Variants in SCAI observed in about 807,000 individuals in gnomAD.
The protein encoded by SCAI is suppressor of cancer cell invasion.
A neutral mutation model predicts 92.2 loss-of-function variants in SCAI; 24 were observed. That is an observed-to-expected ratio of 0.26 (90% CI 0.19 to 0.37). The LOEUF (loss-of-function observed/expected upper bound fraction) is 0.37. SCAI is among the 10% of genes least tolerant of loss of function. The pLI is 1.00. For missense variants in SCAI, 450 were observed against 736.2 expected (o/e 0.61, Z 4.50); for synonymous variants, 261 against 258.6 (o/e 1.01, Z -0.09).
At chr9:125,025,546 T>A (rs181939928) in intron 6 of SCAI, among the ~76,000 whole-genome samples, 1 of 152,368 alleles carries the variant, frequency 6.6e-6, no homozygotes, top group East Asian at 1.9e-4. Context: ...TTTTAAGATA[T>A]AATTTATCTC....
chr9:125,018,927 C>T lies in SCAI; in HGVS notation c.733G>A (p.Asp245Asn). 2 of 1,613,292 alleles carry T rather than the reference C, an allele frequency of 1.2e-6. No homozygotes were observed. The highest frequency in any genetic ancestry group is 2.2e-5 in the South Asian group (2 of 90,814). ...IEADPVMVLNDDNTIVITSNR... is the reference protein window; with the variant it reads ...IEADPVMVLNNDNTIVITSNR... Reference sequence around the variant, plus strand: ...GATGTGATAACAATGGTATTATCATCATTTAATACCATTACAGGATCCGCC... The same window carrying T: ...GATGTGATAACAATGGTATTATCATTATTTAATACCATTACAGGATCCGCC... Residue 245 changes from aspartate to asparagine, a missense_variant, in exon 9 of 18, where the codon GAT (aspartate) becomes AAT (asparagine). Around this residue, in one of 3 missense-constraint regions of SCAI, gnomAD observed 360 missense variants for 601.8 expected, o/e 0.60. Transcript: ENST00000336505.
At chr9:124,975,991 T>C (rs747647951) in intron 15 of SCAI, 123 bp downstream of exon 15, 6 of 630,384 alleles carry the variant, frequency 9.5e-6, no homozygotes, top group Non-Finnish European at 1.7e-5. Context: ...ACACCTGCCA[T>C]ATTAAACACC....
At chr9:124,985,344 C>A (rs1254401391) in intron 14 of SCAI, among the ~76,000 whole-genome samples, 1 of 152,062 alleles carries the variant, frequency 6.6e-6, no homozygotes, top group Non-Finnish European at 1.5e-5. Context: ...TATTTGCAGC[C>A]CAGATTTCTA....
chr9:125,051,712 T>C (rs976514980), intron 3 of SCAI, among the ~76,000 whole-genome samples: 2 of 152,228 alleles, frequency 1.3e-5, no homozygotes, highest in African/African-American at 2.4e-5. Context: ...TCAAAACAAT[T>C]GGAAATGTTT....
intron 14 of SCAI, among the ~76,000 whole-genome samples, chr9:124,976,495 G>A (rs1035222155): frequency 5.9e-5 from 9 of 152,140 alleles, no homozygotes; most frequent in Non-Finnish European, 7.3e-5. Flanking sequence ...CCAATCCATC[G>A]AGCAACACAC....
intron 3 of SCAI, among the ~76,000 whole-genome samples, chr9:125,047,092 A>C (rs1440371719): frequency 6.6e-6 from 1 of 152,190 alleles, no homozygotes; most frequent in Non-Finnish European, 1.5e-5. Flanking sequence ...GTTATTCCCA[A>C]AACTCGTACA....
chr9:125,004,752 TATATATA>T (rs1832445049), intron 9 of SCAI, among the ~76,000 whole-genome samples: 2 of 15,186 alleles, frequency 1.3e-4, no homozygotes, highest in South Asian at 2.4e-3. Context: ...TATATATATA[TATATATA>T]TATATATATA....
At chr9:124,959,935 T>C (rs545587049) in intron 17 of SCAI, among the ~76,000 whole-genome samples, 59 of 152,224 alleles carry the variant, frequency 3.9e-4, no homozygotes, top group African/African-American at 1.1e-3. Context: ...CAGTCTATCA[T>C]TGATGGACAT....
intron 17 of SCAI, among the ~76,000 whole-genome samples, chr9:124,967,513 C>G (rs1031941607): frequency 1.3e-5 from 2 of 152,126 alleles, no homozygotes; most frequent in African/African-American, 4.8e-5. Flanking sequence ...CAAAGCACCT[C>G]CTCAGCTCCA....
intron 9 of SCAI, among the ~76,000 whole-genome samples, chr9:125,014,503 T>G (rs554230445): frequency 1.3e-5 from 2 of 152,180 alleles, no homozygotes; most frequent in Non-Finnish European, 2.9e-5. Flanking sequence ...CAAGGAGAAC[T>G]ACAAACCACT....
chr9:125,043,968 C>T (rs1408088675), intron 3 of SCAI, among the ~76,000 whole-genome samples: 1 of 152,174 alleles, frequency 6.6e-6, no homozygotes, highest in African/African-American at 2.4e-5. Flanking sequence ...CCATGCTTCC[C>T]TGTGTTCTCA....
intron 2 of SCAI, among the ~76,000 whole-genome samples, chr9:125,102,739 A>T (rs1234797968): frequency 6.6e-6 from 1 of 152,098 alleles, no homozygotes; most frequent in Non-Finnish European, 1.5e-5. Flanking sequence ...CTGGGATTAC[A>T]GGACCCCGCA....
At chr9:125,056,108 T>C (rs1160924974) in intron 2 of SCAI, 101 bp from the exon 3 acceptor site, 3 of 833,320 alleles carry the variant, frequency 3.6e-6, no homozygotes, top group Non-Finnish European at 3.7e-6. Flanking sequence ...AAGACAGATA[T>C]AGAATTCTTC....
intron 2 of SCAI, among the ~76,000 whole-genome samples, chr9:125,141,962 C>T (rs943354263): frequency 6.6e-6 from 1 of 152,124 alleles, no homozygotes; most frequent in African/African-American, 2.4e-5. Flanking sequence ...TTGCTGTGTT[C>T]CCCACACTGG....
intron 6 of SCAI, among the ~76,000 whole-genome samples, chr9:125,024,423 G>A (rs976754372): frequency 2.0e-5 from 3 of 151,892 alleles, no homozygotes; most frequent in African/African-American, 4.8e-5. Context: ...CTACAGGCGC[G>A]TGCCACCACG....
intron 9 of SCAI, among the ~76,000 whole-genome samples, chr9:125,007,287 T>C (rs530790600): frequency 6.6e-6 from 1 of 152,278 alleles, no homozygotes; most frequent in East Asian, 1.9e-4. Context: ...GAGAGTATAG[T>C]TAGCAGAAAA....
intron 2 of SCAI, among the ~76,000 whole-genome samples, chr9:125,070,640 C>T (rs1198072964): frequency 6.6e-6 from 1 of 152,126 alleles, no homozygotes; most frequent in East Asian, 1.9e-4. Context: ...CTCAAGTCAT[C>T]CACCTACCTC....
intron 14 of SCAI, 34 bp downstream of exon 14, chr9:124,994,900 T>C: frequency 6.7e-7 from 1 of 1,488,110 alleles, no homozygotes; most frequent in Non-Finnish European, 9.4e-7. Context: ...GGTGCCACAA[T>C]GTCTACCTGT....
intron 2 of SCAI, among the ~76,000 whole-genome samples, chr9:125,096,535 T>G (rs1834556566): frequency 6.6e-6 from 1 of 152,196 alleles, no homozygotes; most frequent in African/African-American, 2.4e-5. Context: ...AGAACTCCCT[T>G]GCAAGACTAG....
Sources: allele counts gnomAD v4.1 joint callset (sites outside exome capture counted in the v4.1 genomes callset), GRCh38; gene constraint gnomAD v4.1.1; regional missense constraint gnomAD v4.1.1; transcripts MANE v1.5; gene names NCBI Gene and HGNC (gene_info 2026-07-23, HGNC 2026-07-21).